NEMP1: variants seen among roughly 807,000 people sequenced by gnomAD.
The protein encoded by NEMP1 is nuclear envelope integral membrane protein 1.
Under a neutral mutation model 53.7 loss-of-function variants are expected in NEMP1, and 29 were observed. The observed-to-expected ratio is 0.54, with a 90% CI of 0.40 to 0.74. The LOEUF (loss-of-function observed/expected upper bound fraction) is 0.74. Ranked by LOEUF, NEMP1 falls within the 30% of genes least tolerant of loss-of-function variation. NEMP1 has a pLI of 0.00. For missense variants in NEMP1, 477 were observed against 528.6 expected (o/e 0.90, Z 0.96); for synonymous variants, 193 against 192.9 (o/e 1.00, Z 0.00).
chr12:57,073,676 G>A (rs1292516830), intron 1 of NEMP1, among the ~76,000 whole-genome samples: 1 of 152,068 alleles, frequency 6.6e-6, no homozygotes, highest in African/African-American at 2.4e-5. Flanking sequence ...ATAAATAAAA[G>A]AGACAGTATG....
At chr12:57,087,567 A>G (rs1490554756) in intron 1 of NEMP1, among the ~76,000 whole-genome samples, 1 of 151,402 alleles carries the variant, frequency 6.6e-6, no homozygotes, top group Non-Finnish European at 1.5e-5. Flanking sequence ...GCTCGTTCCC[A>G]CCACCCCCAC....
At chr12:57,086,539 A>C (rs966707460) in intron 1 of NEMP1, among the ~76,000 whole-genome samples, 95 of 144,846 alleles carry the variant, frequency 6.6e-4, no homozygotes, top group Admixed American at 1.7e-3. Context: ...CCCCCCCCCC[A>C]CACACACACC....
Position 57,055,757 on chromosome 12 carries a change from G to A in NEMP1, c.*4122C>T, listed in dbSNP as rs570586040. 9 of 152,118 alleles carry A rather than the reference G, an allele frequency of 5.9e-5. No homozygotes were observed. The highest frequency in any genetic ancestry group is 2.2e-4 in the African/African-American group (9 of 41,492). 9.4% of individuals were successfully genotyped at this position (152,118 alleles called of 1,614,324 possible). Reference sequence around the variant, plus strand: ...AAAGAGGGTGAAAATAAGACCCATGGCAAAGAGCCATCCCTGATAATTTTG... The same window carrying A: ...AAAGAGGGTGAAAATAAGACCCATGACAAAGAGCCATCCCTGATAATTTTG... On this transcript the variant is annotated 3_prime_UTR_variant, in exon 9 of 9. Coordinates refer to ENST00000300128, the MANE Select transcript of NEMP1 (RefSeq NM_001130963.2).
chr12:57,081,839 G>A (rs1230380625), upstream of NEMP1, among the ~76,000 whole-genome samples: 5 of 151,602 alleles, frequency 3.3e-5, no homozygotes, highest in East Asian at 2.0e-4. Flanking sequence ...CCTGGGAGGC[G>A]GAACTTGCAG....
intron 4 of NEMP1, among the ~76,000 whole-genome samples, chr12:57,068,814 C>G (rs1011940230): frequency 6.6e-6 from 1 of 152,164 alleles, no homozygotes; most frequent in African/African-American, 2.4e-5. Flanking sequence ...GATCCGCCAG[C>G]CTTGGCCTCC....
At chr12:57,084,979 C>G (rs2032948515) in intron 1 of NEMP1, among the ~76,000 whole-genome samples, 1 of 152,114 alleles carries the variant, frequency 6.6e-6, no homozygotes, top group African/African-American at 2.4e-5. Flanking sequence ...TTGAAAAGCA[C>G]TGGTCCAAAA....
upstream of NEMP1, among the ~76,000 whole-genome samples, chr12:57,083,012 T>G (rs2032892710): frequency 6.6e-6 from 1 of 152,100 alleles, no homozygotes; most frequent in Non-Finnish European, 1.5e-5. Context: ...AGTGAGACCC[T>G]GTCTCAAAAT....
chr12:57,070,167 GA>G (rs750266395), intron 3 of NEMP1, among the ~76,000 whole-genome samples: 19 of 152,182 alleles, frequency 1.2e-4, no homozygotes, highest in Non-Finnish European at 2.2e-4. Flanking sequence ...CAGTTCCACT[GA>G]ATAAGTTTTA....
At chr12:57,078,878 G>T (rs1424512451), upstream of NEMP1, 3 of 991,126 alleles carry the variant, frequency 3.0e-6, no homozygotes, top group Non-Finnish European at 4.5e-6. Context: ...CGAGCACCCA[G>T]CCCTCCAAGG....
At chr12:57,062,977 C>T (rs1418311554) in intron 7 of NEMP1, 142 bp downstream of exon 7, 8 of 570,552 alleles carry the variant, frequency 1.4e-5, no homozygotes, top group African/African-American at 1.1e-4. Flanking sequence ...AAAATAGACT[C>T]GGGAAGGAAC....
chr12:57,084,064 G>T (rs538808156), intron 1 of NEMP1, among the ~76,000 whole-genome samples: 10 of 152,306 alleles, frequency 6.6e-5, no homozygotes, highest in African/African-American at 2.4e-4. Context: ...CCAGGTTCAA[G>T]CGATTCTCGT....
At position 57,064,669 on chromosome 12, in the gene NEMP1, T is replaced by C; in HGVS notation, c.616A>G (p.Ile206Val). ...IVASLLIIIF[I>V]LSKFMPKKSP... ...ACCTTAGGCATAAACTTAGATAGTA[T>C]AAAAATGATGATTAGCAGAGAGGCC... The change falls in exon 5 of 9, where the codon ATA becomes GTA. Residue 206 changes from isoleucine to valine, a missense_variant. Transcript: ENST00000300128. The C allele has an allele frequency of 6.2e-7, 1 of 1,612,880 alleles. No individual in the cohort carries two copies. Among genetic ancestry groups the C allele is most frequent in the Non-Finnish European group, 8.5e-7 (1 of 1,179,326 alleles).
chr12:57,074,394 C>A (rs757664886), intron 1 of NEMP1, among the ~76,000 whole-genome samples: 1 of 151,332 alleles, frequency 6.6e-6, no homozygotes, highest in Non-Finnish European at 1.5e-5. Flanking sequence ...CAGGTTCCAG[C>A]GATTCTCCCA....
intron 1 of NEMP1, among the ~76,000 whole-genome samples, chr12:57,085,115 C>T (rs1319604781): frequency 6.6e-6 from 1 of 152,204 alleles, no homozygotes; most frequent in African/African-American, 2.4e-5. Context: ...CATACCTCCA[C>T]CTCCATGGAA....
intron 1 of NEMP1, among the ~76,000 whole-genome samples, chr12:57,086,711 TGGCTGCG>T (rs971058473): frequency 3.2e-4 from 48 of 152,298 alleles, no homozygotes; most frequent in African/African-American, 8.7e-4. Flanking sequence ...TCGGCAGCTC[TGGCTGCG>T]GGCTGCGGGG....
At chr12:57,070,940 T>C (rs2032318173) in intron 2 of NEMP1, 47 bp from the exon 3 acceptor site, 1 of 1,505,774 alleles carries the variant, frequency 6.6e-7, no homozygotes, top group Non-Finnish European at 9.0e-7. Flanking sequence ...AGTAGGAATT[T>C]TAATTTTTCA....
chr12:57,078,540 C>T (rs2032736942), intron 1 of NEMP1, 79 bp downstream of exon 1: 1 of 1,518,874 alleles, frequency 6.6e-7, no homozygotes, highest in African/African-American at 1.4e-5. Flanking sequence ...AGTAACGGCC[C>T]GCGCCCTCGG....
At chr12:57,064,935 C>T (rs2032000480) in intron 4 of NEMP1, among the ~76,000 whole-genome samples, 196 bp from the exon 5 acceptor site, 1 of 152,186 alleles carries the variant, frequency 6.6e-6, no homozygotes, top group Admixed American at 6.5e-5. Context: ...GTAAGTCACA[C>T]AAATTTTTTG....
intron 4 of NEMP1, among the ~76,000 whole-genome samples, chr12:57,067,092 G>C (rs2032119080): frequency 6.6e-6 from 1 of 152,212 alleles, no homozygotes; most frequent in South Asian, 2.1e-4. Flanking sequence ...TTGGGAGGCT[G>C]AGGCAGGCAG....
Sources: allele counts gnomAD v4.1 joint callset (sites outside exome capture counted in the v4.1 genomes callset), GRCh38; gene constraint gnomAD v4.1.1; transcripts MANE v1.5; gene names NCBI Gene and HGNC (gene_info 2026-07-23, HGNC 2026-07-21).